Variants in CTR9 observed in about 807,000 individuals in gnomAD.
CTR9 encodes RNA polymerase-associated protein CTR9 homolog.
CTR9 carries 41 observed loss-of-function variants against 152.1 expected under a neutral mutation model. That is an observed-to-expected ratio of 0.27 (90% CI 0.21 to 0.35). The LOEUF is 0.35. CTR9 is among the 10% of genes least tolerant of loss of function. The pLI is 1.00. For missense variants in CTR9, 917 were observed against 1,424.4 expected, an observed-to-expected ratio of 0.64 and a Z score of 5.73; for synonymous variants, 476 against 496.2, an observed-to-expected ratio of 0.96 and a Z score of 0.54.
chr11:10,774,160 A>T lies in CTR9; in HGVS notation c.2876A>T (p.Lys959Met). 1 of 1,609,214 alleles carries T rather than the reference A, an allele frequency of 6.2e-7. No homozygotes were observed. Among genetic ancestry groups the T allele is most frequent in the Non-Finnish European group, 8.5e-7 (1 of 1,177,742 alleles). Residue 959 changes from lysine to methionine, a missense_variant, in exon 22 of 25, where the codon AAG becomes ATG. Physicochemically the swap from Lys to Met is moderately conservative, Grantham distance 95 (BLOSUM62 -1). Around this residue, in one of 9 missense-constraint regions of CTR9, gnomAD observed 384 missense variants for 398.4 expected, o/e 0.96. Coordinates refer to ENST00000361367, the MANE Select transcript of CTR9 (RefSeq NM_014633.5). Reference sequence around the variant, plus strand: ...GAGGGTGGTGAGAGAAAGAAGAAAAAGAGGAGAAGGTAATGTCATCATTAA... The same window carrying T: ...GAGGGTGGTGAGAGAAAGAAGAAAATGAGGAGAAGGTAATGTCATCATTAA... ...DEEGGERKKK[K>M]RRRHPKGEEG...
intron 22 of CTR9, 127 bp from the exon 23 acceptor site, chr11:10,775,080 A>T: frequency 1.4e-6 from 1 of 702,788 alleles, no homozygotes; most frequent in Non-Finnish European, 2.4e-6. Flanking sequence ...TGAGGAGTGT[A>T]CAGTATGATT....
chr11:10,763,523 A>G lies in CTR9; in HGVS notation c.942A>G (p.Arg314=). Residue 314 remains arginine (R), a synonymous_variant, in exon 8 of 25, where the codon AGA becomes AGG. Coordinates refer to ENST00000361367, the MANE Select transcript of CTR9 (RefSeq NM_014633.5). The part of the protein sequence containing the change: ...MQAESCYQLA[R]SFHVQEDYDQ... ...CAGAGAGCTGCTATCAGCTAGCTAG[A>G]TCATTCCATGTTCAGGTAATTTTAT... 6.2e-7 allele frequency: 1 copy of G among 1,604,498 alleles called. No individual in the cohort carries two copies. Among genetic ancestry groups the G allele is most frequent in the Non-Finnish European group, 8.5e-7 (1 of 1,177,354 alleles).
intron 16 of CTR9, among the ~76,000 whole-genome samples, chr11:10,769,424 A>T (rs1253112569): frequency 1.3e-5 from 2 of 152,150 alleles, no homozygotes; most frequent in Non-Finnish European, 2.9e-5. Flanking sequence ...AGACAAAAAG[A>T]GCAGTCCAGG....
chr11:10,769,510 TCA>T (rs979240315), intron 16 of CTR9, among the ~76,000 whole-genome samples: 7 of 152,152 alleles, frequency 4.6e-5, no homozygotes, highest in African/African-American at 1.7e-4. Context: ...AAGTCAATAA[TCA>T]CAGAAACTCA....
At chr11:10,774,815 G>C (rs555620819) in intron 22 of CTR9, among the ~76,000 whole-genome samples, 1 of 152,312 alleles carries the variant, frequency 6.6e-6, no homozygotes, top group South Asian at 2.1e-4. Flanking sequence ...ACACAGACTT[G>C]TGGAATTGAA....
intron 23 of CTR9, 96 bp from the exon 24 acceptor site, chr11:10,775,425 T>C (rs1477681125): frequency 7.3e-7 from 1 of 1,365,046 alleles, no homozygotes; most frequent in Non-Finnish European, 1.0e-6. Flanking sequence ...AGTTCATCAG[T>C]GGCTGTTTGA....
In CTR9 at chr11:10,751,329, C is replaced by T. The variant is rs1297784101; in HGVS notation, c.-84C>T. 2.1e-6 allele frequency: 3 copies of T among 1,435,342 alleles called. No homozygotes were observed. The South Asian group carries it at 3.4e-5, about 16-fold the overall frequency. 88.9% of individuals were successfully genotyped at this position (1,435,342 alleles called of 1,614,324 possible). A position where few individuals can be genotyped will look rare whatever the true frequency, so the allele number is the denominator to read the frequency against. On this transcript the variant is annotated 5_prime_UTR_variant, in exon 1 of 25. Transcript: ENST00000361367. ...CAGTCAAGACCAGAGCCGGAGCCGT[C>T]ACTCACCTCTGGATTAGCCTGAAGC...
chr11:10,751,598 A>G (rs943678409), intron 1 of CTR9, 141 bp downstream of exon 1: 5 of 815,228 alleles, frequency 6.1e-6, no homozygotes, highest in Non-Finnish European at 9.9e-6. Context: ...AGGTCTGATC[A>G]TCATCTTCTT....
At position 10,764,109 on chromosome 11, in the gene CTR9, C is replaced by T. The variant is rs1343661399; in HGVS notation, c.1195-3C>T. ...TTCAGCTTAACAATCTCTTTTATCC[C>T]AGGGCCATTTGAAGAAGGTCACAGA... On this transcript the variant is annotated splice_region_variant and splice_polypyrimidine_tract_variant and intron_variant, in intron 9 of 24. Coordinates refer to ENST00000361367, the MANE Select transcript of CTR9 (RefSeq NM_014633.5). 3.1e-6 allele frequency: 5 copies of T among 1,613,692 alleles called. No homozygotes were observed. Among genetic ancestry groups the T allele is most frequent in the Non-Finnish European group, 4.2e-6 (5 of 1,179,754 alleles).
rs1332897419 is a variant in CTR9 at position 10,775,534 on chromosome 11, G to A, written c.2996G>A (p.Arg999His). The change falls in exon 24 of 25, where the codon CGT becomes CAT. Residue 999 changes from arginine to histidine, a missense_variant. Transcript: ENST00000361367. ...GACATTCTTTAGCCCAAGCCAGAACGTCTGCCTCCATCAATGAAGGGAAAA... is the reference window on the plus strand; with the variant it reads ...GACATTCTTTAGCCCAAGCCAGAACATCTGCCTCCATCAATGAAGGGAAAA... ...AEKKKAPKPE[R>H]LPPSMKGKIK... 9.3e-6 allele frequency: 15 copies of A among 1,612,892 alleles called. No individual in the cohort carries two copies. The highest frequency in any genetic ancestry group is 1.6e-4 in the Middle Eastern group (1 of 6,080).
At chr11:10,757,651 T>A (rs1034259777) in intron 5 of CTR9, among the ~76,000 whole-genome samples, 1 of 152,230 alleles carries the variant, frequency 6.6e-6, no homozygotes, top group African/African-American at 2.4e-5. Context: ...TTCCAAAATG[T>A]CATTCATGTA....
At chr11:10,772,209 G>A (rs1341810833) in intron 19 of CTR9, among the ~76,000 whole-genome samples, 1 of 152,038 alleles carries the variant, frequency 6.6e-6, no homozygotes, top group East Asian at 1.9e-4. Flanking sequence ...TACAAAATTA[G>A]CCAGGTATGG....
intron 2 of CTR9, 99 bp downstream of exon 2, chr11:10,752,869 A>G: frequency 8.9e-6 from 8 of 900,836 alleles, no homozygotes; most frequent in Non-Finnish European, 1.3e-5. Flanking sequence ...TGCATGGTAG[A>G]TTAGTTATAC....
chr11:10,760,467 A>G (rs1590019758), intron 6 of CTR9, 146 bp downstream of exon 6: 1 of 698,100 alleles, frequency 1.4e-6, no homozygotes, highest in South Asian at 2.6e-5. Context: ...TATAACACCT[A>G]GTTATTGGGG....
At chr11:10,772,750 TG>T in intron 20 of CTR9, 95 bp downstream of exon 20, 1 of 1,258,302 alleles carries the variant, frequency 7.9e-7, no homozygotes, top group Non-Finnish European at 1.1e-6. Flanking sequence ...CCAGGCGTGG[TG>T]GCTGACACCT....
chr11:10,774,557 A>G (rs967536809), intron 22 of CTR9, among the ~76,000 whole-genome samples: 7 of 152,324 alleles, frequency 4.6e-5, no homozygotes, highest in African/African-American at 1.4e-4. Flanking sequence ...TGCCTACCTC[A>G]TGGTTTTTGC....
In CTR9 at chr11:10,763,418, G is replaced by A; in HGVS notation, c.850-13G>A. On this transcript the variant is annotated splice_polypyrimidine_tract_variant and intron_variant, in intron 7 of 24. Transcript: ENST00000361367. ...TATGAATTCACTCAGTTGACTTTCTGATCTTTGTTCAGGATTATAGTAAAG... is the reference window on the plus strand; with the variant it reads ...TATGAATTCACTCAGTTGACTTTCTAATCTTTGTTCAGGATTATAGTAAAG... 1 of 1,578,514 alleles carries A rather than the reference G, an allele frequency of 6.3e-7. No homozygotes were observed. Among genetic ancestry groups the A allele is most frequent in the Non-Finnish European group, 8.7e-7 (1 of 1,150,066 alleles).
chr11:10,774,652 C>T lies in CTR9; in HGVS notation c.2885+483C>T, dbSNP rs1445046341. 3.3e-5 allele frequency among the ~76,000 whole-genome samples: 5 copies of T among 152,214 alleles called. No homozygotes were observed. In the East Asian group the frequency reaches 7.7e-4, roughly 23 times the overall value. The stretch of plus-strand genomic sequence containing the variant: ...CTGTTAAGATCAAGGATGCCCTACC[C>T]ATTTCTCATGCGGAGGTGCCTCCTA... On this transcript the variant is annotated intron_variant, in intron 22 of 24. Coordinates refer to ENST00000361367, the MANE Select transcript of CTR9 (RefSeq NM_014633.5).
chr11:10,752,998 T>G (rs1401151426), intron 2 of CTR9, among the ~76,000 whole-genome samples: 1 of 152,214 alleles, frequency 6.6e-6, no homozygotes, highest in Non-Finnish European at 1.5e-5. Flanking sequence ...TTCATTTAAG[T>G]AGTACTCTAT....
Sources: gnomAD v4.1 joint callset for allele counts (sites outside exome capture counted in the v4.1 genomes callset) on GRCh38, gnomAD v4.1.1 for gene constraint, gnomAD v4.1.1 regional missense constraint, MANE v1.5 for transcripts, NCBI Gene and HGNC (gene_info 2026-07-23, HGNC 2026-07-21) for gene names.